Variants in ITIH5 observed in about 807,000 individuals in gnomAD.
ITIH5 encodes the protein inter-alpha-trypsin inhibitor heavy chain H5.
ITIH5 carries 65 observed loss-of-function variants against 77.5 expected under a neutral mutation model. The ratio of observed to expected loss-of-function variants is 0.84; its 90% CI spans 0.69 to 1.03. The LOEUF is 1.03. Ranked by LOEUF, ITIH5 falls within the 50% of genes least tolerant of loss-of-function variation. The pLI is 0.00. For missense variants in ITIH5, 1,208 were observed against 1,213.1 expected, an observed-to-expected ratio of 1.00 and a Z score of 0.06; for synonymous variants, 525 against 494.3, an observed-to-expected ratio of 1.06 and a Z score of -0.82.
At chr10:7,602,624 A>T (rs4086763) in intron 7 of ITIH5, among the ~76,000 whole-genome samples, 1 of 152,096 alleles carries the variant, frequency 6.6e-6, no homozygotes, top group African/African-American at 2.4e-5. Context: ...GAGGCCTCCC[A>T]AGACATGCGG....
Position 7,580,012 on chromosome 10 carries a change from G to C in ITIH5, c.1161C>G (p.Tyr387Ter), listed in dbSNP as rs1469980266. 6.2e-7 allele frequency: 1 copy of C among 1,613,312 alleles called. No individual in the cohort carries two copies. The highest frequency in any genetic ancestry group is 8.5e-7 in the Non-Finnish European group (1 of 1,179,874). ...LQRAIRLLNK[Y>*]VAHSGIGDRS... ...GGTCTCCAATGCCACTGTGGGCCAC[G>C]TACTTGTTGAGGAGCCTGATGGCCC... Residue 387 changes from tyrosine to a stop codon, truncating the protein, a stop_gained, in exon 9 of 14, where the codon TAC becomes TAG. Coordinates refer to ENST00000397146, the MANE Select transcript of ITIH5 (RefSeq NM_030569.7). LOFTEE classifies it high-confidence loss of function.
intron 1 of ITIH5, among the ~76,000 whole-genome samples, chr10:7,664,252 T>C (rs1405444516): frequency 3.3e-5 from 5 of 151,820 alleles, no homozygotes; most frequent in Admixed American, 2.0e-4. Flanking sequence ...ATACAAAAAT[T>C]AGCCAGGCAT....
At chr10:7,570,839 C>T (rs368110564) in intron 11 of ITIH5, among the ~76,000 whole-genome samples, 1 of 152,112 alleles carries the variant, frequency 6.6e-6, no homozygotes, top group African/African-American at 2.4e-5. Context: ...CCAGGCTGGT[C>T]TCAAACTCCT....
Position 7,566,243 on chromosome 10 carries a change from C to G in ITIH5, c.2314G>C (p.Val772Leu). ...RVILDGGDRL[V>L]LPCNQSVVVG... ...ACCACACTCTGGTTGCAGGGGAGCA[C>G]CAGTCTGTCCCCACCATCCAAGATG... The change falls in exon 13 of 14, where the codon GTG (valine) becomes CTG (leucine). Residue 772 changes from valine to leucine, a missense_variant. Val to Leu is a conservative substitution (Grantham distance 32). Coordinates refer to ENST00000397146, the MANE Select transcript of ITIH5 (RefSeq NM_030569.7). 1 of 1,613,450 alleles carries G rather than the reference C, an allele frequency of 6.2e-7. No individual in the cohort carries two copies. The highest frequency in any genetic ancestry group is 8.5e-7 in the Non-Finnish European group (1 of 1,179,718).
chr10:7,643,302 T>C (rs370275055), intron 2 of ITIH5, among the ~76,000 whole-genome samples: 1 of 152,224 alleles, frequency 6.6e-6, no homozygotes, highest in South Asian at 2.1e-4. Context: ...AATTTTGTTA[T>C]GGAAGCCCGA....
chr10:7,664,788 C>T (rs1269583564), intron 1 of ITIH5, among the ~76,000 whole-genome samples: 1 of 152,194 alleles, frequency 6.6e-6, no homozygotes, highest in Non-Finnish European at 1.5e-5. Flanking sequence ...AGTTTACATA[C>T]AATTTTAAAG....
At chr10:7,648,121 C>T (rs895624078) in intron 2 of ITIH5, among the ~76,000 whole-genome samples, 7 of 151,212 alleles carry the variant, frequency 4.6e-5, no homozygotes, top group Admixed American at 1.3e-4. Context: ...GGCATGGTGG[C>T]GGGCACCAGC....
At chr10:7,644,902 T>C (rs956545018) in intron 2 of ITIH5, among the ~76,000 whole-genome samples, 9 of 108,464 alleles carry the variant, frequency 8.3e-5, no homozygotes, top group African/African-American at 3.4e-4. Context: ...ATATATCACA[T>C]ATATATATCA....
chr10:7,643,474 C>T (rs948349115), intron 2 of ITIH5, among the ~76,000 whole-genome samples: 1 of 152,194 alleles, frequency 6.6e-6, no homozygotes, highest in Non-Finnish European at 1.5e-5. Context: ...ATCCCACTTA[C>T]TTCAAAGTCT....
intron 5 of ITIH5, among the ~76,000 whole-genome samples, chr10:7,626,670 G>T (rs918922857): frequency 6.6e-5 from 10 of 152,150 alleles, no homozygotes; most frequent in African/African-American, 2.4e-4. Flanking sequence ...AGAATGCCTG[G>T]TTACGTTTGA....
At chr10:7,585,719 G>A (rs1038374375) in intron 8 of ITIH5, among the ~76,000 whole-genome samples, 182 bp downstream of exon 8, 1 of 151,558 alleles carries the variant, frequency 6.6e-6, no homozygotes, top group Non-Finnish European at 1.5e-5. Context: ...ACTGGGAAAG[G>A]AGAGTACGGA....
chr10:7,666,458 C>G lies in ITIH5; in HGVS notation c.90+345G>C, dbSNP rs80212767. 6.3e-3 allele frequency among the ~76,000 whole-genome samples: 956 copies of G among 152,220 alleles called. 7 individuals carry two copies. The highest frequency in any genetic ancestry group is 0.022 in the African/African-American group (911 of 41,534). On this transcript the variant is annotated intron_variant, in intron 1 of 13. Transcript: ENST00000397146. ...AATGATGATAACAGCAGACTGCCCCCCACGCGTGATAAGGAAAAAACCTTG... is the reference window on the plus strand; with the variant it reads ...AATGATGATAACAGCAGACTGCCCCGCACGCGTGATAAGGAAAAAACCTTG...
At chr10:7,605,494 G>C (rs531465478) in intron 7 of ITIH5, among the ~76,000 whole-genome samples, 142 of 151,116 alleles carry the variant, frequency 9.4e-4, no homozygotes, top group African/African-American at 3.4e-3. Context: ...TGTGAGGAAA[G>C]GCTGTGTCTC....
intron 7 of ITIH5, among the ~76,000 whole-genome samples, chr10:7,588,938 AG>A (rs1832736985): frequency 6.6e-6 from 1 of 152,248 alleles, no homozygotes; most frequent in Non-Finnish European, 1.5e-5. Context: ...ATTAAAATGC[AG>A]GGAGTCTGAC....
intron 7 of ITIH5, among the ~76,000 whole-genome samples, chr10:7,595,328 A>G (rs1832873102): frequency 8.4e-6 from 1 of 119,370 alleles, no homozygotes; most frequent in Admixed American, 9.1e-5. Context: ...AGATACACTT[A>G]GTAAACGGAA....
At chr10:7,628,207 T>C (rs61834790) in intron 5 of ITIH5, among the ~76,000 whole-genome samples, 28,835 of 152,200 alleles carry the variant, frequency 0.19, 3,180 homozygotes, top group Non-Finnish European at 0.25. Flanking sequence ...GTGCAAACAC[T>C]ACCTCTATTA....
chr10:7,626,226 A>C (rs902678404), intron 5 of ITIH5, among the ~76,000 whole-genome samples: 1 of 152,194 alleles, frequency 6.6e-6, no homozygotes, highest in Non-Finnish European at 1.5e-5. Context: ...AGGAAGAAAA[A>C]GAGTGAAGCC....
intron 3 of ITIH5, among the ~76,000 whole-genome samples, chr10:7,641,078 A>G (rs1256879284): frequency 6.6e-6 from 1 of 152,220 alleles, no homozygotes; most frequent in Non-Finnish European, 1.5e-5. Context: ...TGCCTCTGTG[A>G]TTCTCCAGGA....
intron 8 of ITIH5, among the ~76,000 whole-genome samples, chr10:7,581,846 G>A (rs1383253456): frequency 2.8e-5 from 4 of 142,672 alleles, no homozygotes; most frequent in South Asian, 2.2e-4. Flanking sequence ...ACAGGCATGA[G>A]CCACCATGCC....
Sources: gnomAD v4.1 joint callset for allele counts (sites outside exome capture counted in the v4.1 genomes callset) on GRCh38, gnomAD v4.1.1 for gene constraint, MANE v1.5 for transcripts, NCBI Gene and HGNC (gene_info 2026-07-23, HGNC 2026-07-21) for gene names.